The following PDE7B variants were observed in gnomAD, a reference collection of about 807,000 sequenced individuals.
The protein encoded by PDE7B is 3',5'-cyclic-AMP phosphodiesterase 7B.
A neutral mutation model predicts 56.2 loss-of-function variants in PDE7B; 29 were observed. The observed-to-expected ratio is 0.52, with a 90% CI of 0.38 to 0.70. The LOEUF is 0.70. Ranked by LOEUF, PDE7B falls within the 30% of genes least tolerant of loss-of-function variation. PDE7B has a pLI of 0.00. For synonymous variants in PDE7B, 197 were observed against 196.9 expected, an observed-to-expected ratio of 1.00 and a Z score of 0.00; for missense variants, 490 against 565.0, an observed-to-expected ratio of 0.87 and a Z score of 1.35.
chr6:136,163,207 G>A (rs1282214758), intron 8 of PDE7B, among the ~76,000 whole-genome samples: 1 of 152,238 alleles, frequency 6.6e-6, no homozygotes, highest in Non-Finnish European at 1.5e-5. Context: ...CTCATGCCTG[G>A]ACATACAGGC....
At chr6:135,899,175 G>A (rs1351819182) in intron 1 of PDE7B, among the ~76,000 whole-genome samples, 1 of 152,056 alleles carries the variant, frequency 6.6e-6, no homozygotes, top group Non-Finnish European at 1.5e-5. Context: ...GTGGAACTGT[G>A]AGTCAATTAA....
At chr6:136,058,091 T>A (rs1188485490) in intron 2 of PDE7B, among the ~76,000 whole-genome samples, 2 of 152,156 alleles carry the variant, frequency 1.3e-5, no homozygotes, top group Non-Finnish European at 2.9e-5. Flanking sequence ...GCCATTAGAA[T>A]TCCAACCACT....
At chr6:136,006,969 G>T (rs9376170) in intron 2 of PDE7B, among the ~76,000 whole-genome samples, 43,127 of 152,082 alleles carry the variant, frequency 0.28, 7,432 homozygotes, top group Admixed American at 0.41. Flanking sequence ...GAGAAAGAGG[G>T]CATTCTTGTC....
At chr6:136,048,852 A>G (rs1006651120) in intron 2 of PDE7B, among the ~76,000 whole-genome samples, 1 of 152,184 alleles carries the variant, frequency 6.6e-6, no homozygotes, top group Non-Finnish European at 1.5e-5. Flanking sequence ...TACAAACCAA[A>G]TTTCCCAAGT....
intron 1 of PDE7B, among the ~76,000 whole-genome samples, chr6:135,870,256 G>C (rs1398691156): frequency 2.0e-5 from 3 of 152,154 alleles, no homozygotes; most frequent in Non-Finnish European, 4.4e-5. Context: ...AGAAGAGGCA[G>C]CAATACACAA....
At chr6:135,915,090 TAA>T (rs35760757) in intron 1 of PDE7B, among the ~76,000 whole-genome samples, 13 of 142,368 alleles carry the variant, frequency 9.1e-5, no homozygotes, top group African/African-American at 5.1e-5. Flanking sequence ...GAGACTCCAT[TAA>T]AAAAAAAAAA....
intron 1 of PDE7B, among the ~76,000 whole-genome samples, chr6:135,882,671 G>A (rs1194388530): frequency 6.6e-6 from 1 of 152,178 alleles, no homozygotes; most frequent in Admixed American, 6.6e-5. Flanking sequence ...TGTCTATGCA[G>A]TTTTTTAAAG....
chr6:136,149,174 A>C (rs773766516), intron 5 of PDE7B, 24 bp downstream of exon 5: 44 of 1,435,666 alleles, frequency 3.1e-5, no homozygotes, highest in Non-Finnish European at 4.2e-5. Flanking sequence ...AAGAATTCTC[A>C]CTAAAATATA....
intron 1 of PDE7B, among the ~76,000 whole-genome samples, chr6:135,921,204 C>T (rs1290035770): frequency 2.0e-5 from 3 of 152,070 alleles, no homozygotes; most frequent in Admixed American, 6.6e-5. Context: ...CATCACTTGT[C>T]TCGTGTGTCA....
At chr6:135,908,552 AAAATG>A (rs1776157265) in intron 1 of PDE7B, among the ~76,000 whole-genome samples, 1 of 152,228 alleles carries the variant, frequency 6.6e-6, no homozygotes, top group African/African-American at 2.4e-5. Flanking sequence ...AAAAAAAACA[AAAATG>A]AAACACTGGA....
At chr6:135,962,389 T>A (rs1774917723) in intron 2 of PDE7B, among the ~76,000 whole-genome samples, 1 of 152,116 alleles carries the variant, frequency 6.6e-6, no homozygotes, top group Non-Finnish European at 1.5e-5. Flanking sequence ...TTAGCTAGTA[T>A]CAGAATTGAG....
At chr6:135,902,283 A>C (rs920813199) in intron 1 of PDE7B, among the ~76,000 whole-genome samples, 5 of 152,058 alleles carry the variant, frequency 3.3e-5, no homozygotes, top group African/African-American at 1.2e-4. Flanking sequence ...ACGTCAATGG[A>C]AGCAGAGCAC....
intron 2 of PDE7B, chr6:136,094,314 A>T (rs936244485): frequency 1.3e-5 from 2 of 152,358 alleles, no homozygotes; most frequent in African/African-American, 4.8e-5. Flanking sequence ...CACCTTCTTC[A>T]CACTTGTTAA....
intron 2 of PDE7B, among the ~76,000 whole-genome samples, chr6:136,039,011 G>T (rs1776373253): frequency 6.6e-6 from 1 of 152,074 alleles, no homozygotes. Context: ...CACTGAGTTT[G>T]GCATGCAAGC....
chr6:136,139,687 T>C (rs1032514813), intron 3 of PDE7B, among the ~76,000 whole-genome samples: 3 of 152,348 alleles, frequency 2.0e-5, no homozygotes, highest in South Asian at 2.1e-4. Flanking sequence ...TGGTATCTCA[T>C]TGTGGTTTTG....
chr6:136,144,831 A>G (rs1211625983), intron 3 of PDE7B, among the ~76,000 whole-genome samples: 9 of 152,126 alleles, frequency 5.9e-5, no homozygotes, highest in African/African-American at 1.7e-4. Flanking sequence ...CAGGAACACA[A>G]TATGTGTGAG....
intron 2 of PDE7B, chr6:136,047,330 TGA>T (rs1263554791): frequency 1.3e-5 from 2 of 152,214 alleles, no homozygotes; most frequent in Admixed American, 1.3e-4. Flanking sequence ...GTTTTCACAT[TGA>T]GAGCTGAGCT....
chr6:135,852,320 T>A (rs1031693497), intron 1 of PDE7B, among the ~76,000 whole-genome samples: 5 of 152,004 alleles, frequency 3.3e-5, no homozygotes, highest in Middle Eastern at 3.4e-3. Context: ...AAAAAAAAAA[T>A]AAAGAATGCA....
intron 1 of PDE7B, among the ~76,000 whole-genome samples, chr6:135,926,240 C>G (rs1385986791): frequency 6.6e-6 from 1 of 151,890 alleles, no homozygotes; most frequent in Admixed American, 6.6e-5. Flanking sequence ...GCACCCGCCA[C>G]CACGCCCAGC....
Sources: gnomAD v4.1 joint callset for allele counts (sites outside exome capture counted in the v4.1 genomes callset) on GRCh38, gnomAD v4.1.1 for gene constraint, MANE v1.5 for transcripts, NCBI Gene and HGNC (gene_info 2026-07-23, HGNC 2026-07-21) for gene names.